Variants in ARHGAP15 observed in about 807,000 individuals in gnomAD.
ARHGAP15 encodes Rho GTPase activating protein 15.
Under a neutral mutation model 63.7 loss-of-function variants are expected in ARHGAP15, and 51 were observed. The ratio of observed to expected loss-of-function variants is 0.80; its 90% confidence interval spans 0.64 to 1.01. ARHGAP15 has a LOEUF of 1.01. Among genes scored for constraint, ARHGAP15 ranks in the 50% least tolerant of loss-of-function variants. The probability of loss-of-function intolerance (pLI) is 0.00; values close to 1 mark genes in which losing one functional copy is unlikely to be tolerated. For missense variants in ARHGAP15, 560 were observed against 564.6 expected (o/e 0.99, Z 0.08); for synonymous variants, 191 against 193.8 (o/e 0.99, Z 0.12).
chr2:143,410,088 T>G (rs1033262181), intron 6 of ARHGAP15, among the ~76,000 whole-genome samples: 2 of 152,270 alleles, frequency 1.3e-5, no homozygotes, highest in African/African-American at 4.8e-5. Context: ...CTGAAACCAG[T>G]GTTGGTACAC....
chr2:143,140,936 TC>T, intron 1 of ARHGAP15, among the ~76,000 whole-genome samples: 1 of 152,254 alleles, frequency 6.6e-6, no homozygotes, highest in Middle Eastern at 3.4e-3. Flanking sequence ...AGGTTTGAAG[TC>T]TGGCATTAGC....
chr2:143,430,092 G>A (rs1172306844), intron 6 of ARHGAP15, among the ~76,000 whole-genome samples: 1 of 151,800 alleles, frequency 6.6e-6, no homozygotes, highest in Non-Finnish European at 1.5e-5. Flanking sequence ...GGATAAGGCT[G>A]CTATCCAAAG....
At chr2:143,218,600 CTTA>C (rs1692864335) in intron 4 of ARHGAP15, among the ~76,000 whole-genome samples, 1 of 152,104 alleles carries the variant, frequency 6.6e-6, no homozygotes, top group African/African-American at 2.4e-5. Context: ...TATCATAAAC[CTTA>C]TTATGTTTCT....
chr2:143,560,009 T>A (rs1695958455), intron 11 of ARHGAP15, among the ~76,000 whole-genome samples: 1 of 152,204 alleles, frequency 6.6e-6, no homozygotes, highest in Non-Finnish European at 1.5e-5. Context: ...ACTAGACAAA[T>A]AAAAACTGAT....
intron 11 of ARHGAP15, among the ~76,000 whole-genome samples, chr2:143,599,086 G>A (rs1383763483): frequency 6.6e-6 from 1 of 152,046 alleles, no homozygotes; most frequent in Non-Finnish European, 1.5e-5. Context: ...GTGAAGTTGA[G>A]AGTCTTAAAT....
intron 6 of ARHGAP15, among the ~76,000 whole-genome samples, chr2:143,382,984 T>C (rs1246505197): frequency 1.3e-5 from 2 of 152,178 alleles, no homozygotes; most frequent in African/African-American, 2.4e-5. Context: ...CTATCAAGCA[T>C]TGTGAGAAAG....
chr2:143,213,206 A>C (rs757359982), intron 3 of ARHGAP15, among the ~76,000 whole-genome samples: 1 of 152,182 alleles, frequency 6.6e-6, no homozygotes, highest in Non-Finnish European at 1.5e-5. Flanking sequence ...ATAAGTGTAC[A>C]TCAAGTATTA....
chr2:143,653,001 T>C (rs1681249854), intron 12 of ARHGAP15, among the ~76,000 whole-genome samples: 1 of 152,076 alleles, frequency 6.6e-6, no homozygotes, highest in African/African-American at 2.4e-5. Flanking sequence ...ATGGAAAGCA[T>C]TCAATCTTTC....
intron 13 of ARHGAP15, among the ~76,000 whole-genome samples, chr2:143,721,144 A>C (rs1437990405): frequency 1.3e-5 from 2 of 151,844 alleles, no homozygotes; most frequent in Non-Finnish European, 2.9e-5. Context: ...ACAAGCTCCC[A>C]GGTGCCACTG....
At chr2:143,605,136 T>C (rs1697938065) in intron 11 of ARHGAP15, among the ~76,000 whole-genome samples, 1 of 152,148 alleles carries the variant, frequency 6.6e-6, no homozygotes, top group South Asian at 2.1e-4. Flanking sequence ...CTTGAACTCC[T>C]GCTTTGGCCT....
At chr2:143,202,025 A>G in intron 2 of ARHGAP15, 109 bp from the exon 3 acceptor site, 2 of 831,750 alleles carry the variant, frequency 2.4e-6, no homozygotes, top group East Asian at 2.5e-5. Flanking sequence ...TTTTATATCT[A>G]CTTAATTCAC....
chr2:143,252,788 T>C (rs1680221986), intron 6 of ARHGAP15, among the ~76,000 whole-genome samples: 1 of 152,066 alleles, frequency 6.6e-6, no homozygotes, highest in Non-Finnish European at 1.5e-5. Flanking sequence ...ATAGCTTCTA[T>C]AGTTCTGTTA....
chr2:143,521,681 A>G (rs1212679129), intron 10 of ARHGAP15, among the ~76,000 whole-genome samples: 1 of 152,190 alleles, frequency 6.6e-6, no homozygotes, highest in Non-Finnish European at 1.5e-5. Flanking sequence ...TGGGAAAGGA[A>G]CATTTAATGA....
Position 143,495,623 on chromosome 2 carries a change from C to CA in ARHGAP15, c.826+8136dup, listed in dbSNP as rs201488440. On this transcript the variant is annotated intron_variant, in intron 9 of 13. Transcript: ENST00000295095. ...AAAATATGTCAATTATGTTGAGAAACAAAAAAAAGATTTGTCATTCAAACT... is the reference window on the plus strand; with the variant it reads ...AAAATATGTCAATTATGTTGAGAAACAAAAAAAAAGATTTGTCATTCAAACT... Among the ~76,000 whole-genome samples the CA allele has an allele frequency of 7.9e-5, 12 of 151,514 alleles. No individual in the cohort carries two copies. In the East Asian group the frequency reaches 1.7e-3, roughly 22 times the overall value.
chr2:143,209,664 G>A (rs1446892872), intron 3 of ARHGAP15, among the ~76,000 whole-genome samples: 1 of 152,116 alleles, frequency 6.6e-6, no homozygotes, highest in African/African-American at 2.4e-5. Context: ...GATGGAGTTT[G>A]CCAAGCAAAG....
chr2:143,609,395 A>T (rs991578318), intron 11 of ARHGAP15, among the ~76,000 whole-genome samples: 45 of 152,186 alleles, frequency 3.0e-4, no homozygotes, highest in Non-Finnish European at 4.3e-4. Flanking sequence ...AGGAATTTCC[A>T]TGCTTTTGTG....
At chr2:143,349,259 G>A (rs1478290853) in intron 6 of ARHGAP15, among the ~76,000 whole-genome samples, 1 of 152,094 alleles carries the variant, frequency 6.6e-6, no homozygotes, top group Non-Finnish European at 1.5e-5. Flanking sequence ...AGGATAAAAG[G>A]GACTGCTGAA....
rs869266541 is a variant in ARHGAP15 at position 143,606,035 on chromosome 2, C to CAAAAAAAAAAAAAAAAAAA, written c.1004-18081_1004-18063dup. ...TGGGCGCCAGAGCAAGACTCTGTCTCAAAAAAAAAAAAAAAAAAAAAAAAA... is the reference window on the plus strand; with the variant it reads ...TGGGCGCCAGAGCAAGACTCTGTCTCAAAAAAAAAAAAAAAAAAAAAAAAAAAAAAAAAAAAAAAAAAAA... On this transcript the variant is annotated intron_variant, in intron 11 of 13. Coordinates refer to ENST00000295095, the MANE Select transcript of ARHGAP15 (RefSeq NM_018460.4). 5.7e-4 allele frequency among the ~76,000 whole-genome samples: 13 copies of CAAAAAAAAAAAAAAAAAAA among 22,874 alleles called. 3 individuals are homozygous for CAAAAAAAAAAAAAAAAAAA. The East Asian group carries it at 6.9e-3, about 12-fold the overall frequency. The allele number at this position is 22,874 out of a possible 152,430, so 15.0% of individuals were successfully genotyped here.
At chr2:143,679,195 G>A (rs140962942) in intron 12 of ARHGAP15, among the ~76,000 whole-genome samples, 21 of 152,060 alleles carry the variant, frequency 1.4e-4, no homozygotes, top group African/African-American at 2.9e-4. Context: ...CCTGGGATTC[G>A]GCTCTTAAGT....
Sources: allele counts gnomAD v4.1 joint callset (sites outside exome capture counted in the v4.1 genomes callset), GRCh38; gene constraint gnomAD v4.1.1; transcripts MANE v1.5; gene names NCBI Gene and HGNC (gene_info 2026-07-23, HGNC 2026-07-21).